Variants in TIPIN observed in about 807,000 individuals in gnomAD.
TIPIN encodes TIMELESS-interacting protein.
TIPIN carries 29 observed loss-of-function variants against 35.6 expected under a neutral mutation model. The ratio of observed to expected loss-of-function variants is 0.82; its 90% CI spans 0.61 to 1.11. The LOEUF (loss-of-function observed/expected upper bound fraction) is 1.11, where lower values mean the gene tolerates loss of function less well. TIPIN is among the 50% of genes most tolerant of loss of function. TIPIN has a pLI of 0.00. For missense variants in TIPIN, 296 were observed against 345.4 expected (o/e 0.86, Z 1.13); for synonymous variants, 102 against 121.5 (o/e 0.84, Z 1.06).
At chr15:66,353,994 G>A (rs1235387751) in intron 1 of TIPIN, among the ~76,000 whole-genome samples, 1 of 151,990 alleles carries the variant, frequency 6.6e-6, no homozygotes, top group Non-Finnish European at 1.5e-5. Flanking sequence ...GTTGTGGCAC[G>A]CACCTGTAGT....
At chr15:66,349,988 T>G (rs574845407) in intron 4 of TIPIN, among the ~76,000 whole-genome samples, 92 of 151,900 alleles carry the variant, frequency 6.1e-4, no homozygotes, top group Non-Finnish European at 1.1e-3. Flanking sequence ...TTCAGAGAGA[T>G]TCTCGCTTTC....
intron 1 of TIPIN, among the ~76,000 whole-genome samples, chr15:66,370,469 G>A (rs921863894): frequency 1.3e-5 from 2 of 152,004 alleles, no homozygotes; most frequent in Non-Finnish European, 2.9e-5. Context: ...TGTCCTTGGT[G>A]GGGGGCTGGA....
At chr15:66,371,873 C>T (rs981080180) in intron 1 of TIPIN, among the ~76,000 whole-genome samples, 7 of 152,100 alleles carry the variant, frequency 4.6e-5, no homozygotes, top group Non-Finnish European at 7.4e-5. Context: ...TAGCTCACTG[C>T]AACCTCAATC....
chr15:66,345,008 T>C (rs2093114438), intron 6 of TIPIN, among the ~76,000 whole-genome samples: 1 of 152,204 alleles, frequency 6.6e-6, no homozygotes, highest in Non-Finnish European at 1.5e-5. Flanking sequence ...GATGCCGTCA[T>C]TGTAGTAAAG....
intron 1 of TIPIN, among the ~76,000 whole-genome samples, chr15:66,380,634 G>T (rs2093315502): frequency 1.3e-5 from 2 of 151,992 alleles, no homozygotes; most frequent in South Asian, 4.1e-4. Context: ...GACCAACATG[G>T]TGAAACCCCA....
intron 7 of TIPIN, 50 bp downstream of exon 7, chr15:66,341,100 A>G: frequency 6.5e-7 from 1 of 1,539,236 alleles, no homozygotes; most frequent in South Asian, 1.2e-5. Context: ...AATTTCTAAC[A>G]TGTCCTTGAT....
At chr15:66,347,881 G>T (rs2093137731) in intron 6 of TIPIN, among the ~76,000 whole-genome samples, 1 of 151,962 alleles carries the variant, frequency 6.6e-6, no homozygotes, top group Non-Finnish European at 1.5e-5. Flanking sequence ...ACCACGCCCA[G>T]CCCACTACCA....
chr15:66,364,559 T>A (rs964161251), intron 1 of TIPIN, among the ~76,000 whole-genome samples: 1 of 152,052 alleles, frequency 6.6e-6, no homozygotes, highest in African/African-American at 2.4e-5. Context: ...AAAGGCAGAT[T>A]AATAAGAGAA....
intron 1 of TIPIN, among the ~76,000 whole-genome samples, chr15:66,367,312 T>C (rs2093260158): frequency 6.6e-6 from 1 of 151,910 alleles, no homozygotes. Flanking sequence ...AATAAATTAG[T>C]ACATCTATGT....
chr15:66,353,068 CTCACACA>C (rs2093179436), intron 1 of TIPIN, 113 bp from the exon 2 acceptor site: 2 of 1,013,938 alleles, frequency 2.0e-6, no homozygotes, highest in Non-Finnish European at 2.8e-6. Context: ...ACATTTCAAA[CTCACACA>C]TCATGAAAAG....
chr15:66,379,920 G>T, intron 1 of TIPIN: 1 of 1,405,258 alleles, frequency 7.1e-7, no homozygotes, highest in Non-Finnish European at 9.9e-7. Context: ...CTTCACTCTC[G>T]CAGTACACAC....
intron 1 of TIPIN, chr15:66,382,348 T>C (rs916023199): frequency 1.0e-5 from 10 of 985,160 alleles, no homozygotes; most frequent in African/African-American, 7.0e-5. Context: ...ACCTAAGATA[T>C]AGAGGTCTGA....
At position 66,337,179 on chromosome 15, in the gene TIPIN, TATCTGAAAGAA is replaced by T; in HGVS notation, c.683-9_684del. ...TGTGCCCTGGGTGTATTCATTAACA[TATCTGAAAGAA>T]ATCATACCATTATTATTCATTATAA... On this transcript the variant is annotated splice_acceptor_variant and splice_polypyrimidine_tract_variant and coding_sequence_variant and intron_variant, in exon 8 of 8. Coordinates refer to ENST00000261881, the MANE Select transcript of TIPIN (RefSeq NM_017858.3). LOFTEE classifies it high-confidence loss of function. The T allele has an allele frequency of 6.2e-7, 1 of 1,612,038 alleles. No homozygotes were observed. The highest frequency in any genetic ancestry group is 8.5e-7 in the Non-Finnish European group (1 of 1,178,774).
chr15:66,352,490 G>A (rs1260867589), intron 2 of TIPIN, among the ~76,000 whole-genome samples: 1 of 151,982 alleles, frequency 6.6e-6, no homozygotes, highest in East Asian at 1.9e-4. Flanking sequence ...GTAGAGTTGA[G>A]GTCTCGCCAG....
chr15:66,380,226 G>A (rs972661342), intron 1 of TIPIN, among the ~76,000 whole-genome samples: 2 of 151,042 alleles, frequency 1.3e-5, no homozygotes, highest in Non-Finnish European at 3.0e-5. Flanking sequence ...GGATGGTTTC[G>A]ATCTCCTGAC....
chr15:66,379,684 G>A (rs1007078261), intron 1 of TIPIN: 8 of 1,611,164 alleles, frequency 5.0e-6, no homozygotes, highest in Admixed American at 1.7e-5. Context: ...ATCATGTTCT[G>A]TACATGACTA....
chr15:66,358,519 TCCTC>T (rs2093217200), upstream of TIPIN, among the ~76,000 whole-genome samples: 1 of 151,740 alleles, frequency 6.6e-6, no homozygotes, highest in Non-Finnish European at 1.5e-5. Flanking sequence ...AATCAGGTGA[TCCTC>T]CCTCCCCAGC....
Position 66,368,006 on chromosome 15 carries a change from G to A in TIPIN, c.-8-15051C>T, listed in dbSNP as rs183879583. Among the ~76,000 whole-genome samples, 475 of 151,110 alleles carry A rather than the reference G, an allele frequency of 3.1e-3. 4 individuals are homozygous for A. Among genetic ancestry groups the A allele is most frequent in the African/African-American group, 0.011 (458 of 41,222 alleles). On this transcript the variant is annotated intron_variant, in intron 1 of 7. Transcript: ENST00000562124. ...GCGCCACCATGGCTGACTAATTTTT[G>A]TATTTTTAGTAGAGATGAGGTTTCA...
At chr15:66,366,975 G>A (rs1028086000) in intron 1 of TIPIN, 7 of 725,814 alleles carry the variant, frequency 9.6e-6, no homozygotes, top group African/African-American at 7.7e-5. Flanking sequence ...GAGGTCAGGA[G>A]TTTGAGACCA....
Sources: allele counts gnomAD v4.1 joint callset (sites outside exome capture counted in the v4.1 genomes callset), GRCh38; gene constraint gnomAD v4.1.1; transcripts MANE v1.5; gene names NCBI Gene and HGNC (gene_info 2026-07-23, HGNC 2026-07-21).